MRAP2: variants seen among roughly 807,000 people sequenced by gnomAD.
The protein encoded by MRAP2 is melanocortin-2 receptor accessory protein 2.
MRAP2 carries 20 observed loss-of-function variants against 17.4 expected under a neutral mutation model. The ratio of observed to expected loss-of-function variants is 1.15; its 90% CI spans 0.81 to 1.67. MRAP2 has a LOEUF of 1.67. Ranked by LOEUF, MRAP2 falls within the 40% of genes most tolerant of loss-of-function variation. The pLI is 0.00. For synonymous variants in MRAP2, 96 were observed against 88.4 expected, an observed-to-expected ratio of 1.09 and a Z score of -0.48; for missense variants, 238 against 240.0, an observed-to-expected ratio of 0.99 and a Z score of 0.05.
intron 2 of MRAP2, chr6:84,062,074 A>G: frequency 1.0e-6 from 1 of 985,476 alleles, no homozygotes. Context: ...CGTAAGTGAG[A>G]ATGCAAAGTT....
chr6:84,046,909 C>A (rs1402404723), intron 1 of MRAP2, among the ~76,000 whole-genome samples: 1 of 151,256 alleles, frequency 6.6e-6, no homozygotes, highest in African/African-American at 2.4e-5. Context: ...ATGACTCTGT[C>A]AGGGGTTGAA....
Position 84,089,411 on chromosome 6 carries a change from T to C in MRAP2, c.548T>C (p.Leu183Pro), listed in dbSNP as rs2099501274. ...AACTACTTTGGGGAGGATGATCTTCTGATTTCTGAACCACCTATTGTTCTG... is the reference window on the plus strand; with the variant it reads ...AACTACTTTGGGGAGGATGATCTTCCGATTTCTGAACCACCTATTGTTCTG... ...DQNYFGEDDL[L>P]ISEPPIVLET... Residue 183 changes from leucine to proline, a missense_variant, in exon 4 of 4, where the codon CTG becomes CCG. Coordinates refer to ENST00000257776, the MANE Select transcript of MRAP2 (RefSeq NM_138409.4). 1 of 1,614,152 alleles carries C rather than the reference T, an allele frequency of 6.2e-7. No individual in the cohort carries two copies. The highest frequency in any genetic ancestry group is 1.3e-5 in the African/African-American group (1 of 75,064).
the MRAP2 span, among the ~76,000 whole-genome samples, chr6:84,134,389 G>T: frequency 5.3e-5 from 8 of 152,144 alleles, no homozygotes; most frequent in African/African-American, 1.9e-4. Flanking sequence ...GCGCCACTGT[G>T]GTATGAAAAA....
rs761041881 is a variant in MRAP2, at chr6:84,055,451, T to C, written c.127+6T>C. 1.9e-6 allele frequency: 3 copies of C among 1,609,686 alleles called. No homozygotes were observed. Among genetic ancestry groups the C allele is most frequent in the Admixed American group, 1.7e-5 (1 of 59,062 alleles). ...AGGACTGAAGGCTCATAAATGTAAG[T>C]TTTATACAATTCCTCATTGAAAGCA... On this transcript the variant is annotated splice_donor_region_variant and intron_variant, in intron 2 of 3. Transcript: ENST00000257776.
At chr6:84,083,554 C>T (rs528821323) in intron 3 of MRAP2, among the ~76,000 whole-genome samples, 6 of 152,180 alleles carry the variant, frequency 3.9e-5, no homozygotes, top group African/African-American at 1.4e-4. Flanking sequence ...AATTTTATCA[C>T]CTTAAAACAT....
At chr6:84,117,645 GTGTGTCTGT>G in the MRAP2 span, among the ~76,000 whole-genome samples, 81 of 104,570 alleles carry the variant, frequency 7.7e-4, 1 homozygote, top group Middle Eastern at 4.5e-3. Flanking sequence ...GATGTGGGGT[GTGTGTCTGT>G]GTGTGTGTGT....
At chr6:84,095,425 A>ATG (rs2099502504), downstream of MRAP2, among the ~76,000 whole-genome samples, 1 of 152,180 alleles carries the variant, frequency 6.6e-6, no homozygotes, top group African/African-American at 2.4e-5. Context: ...CAAACCTAAA[A>ATG]TGATCAAAGA....
At chr6:84,128,367 AAC>A in the MRAP2 span, among the ~76,000 whole-genome samples, 1 of 148,614 alleles carries the variant, frequency 6.7e-6, no homozygotes, top group African/African-American at 2.6e-5. Context: ...TTAATAAGCA[AAC>A]ATGTATTTAA....
At chr6:84,138,385 T>C in the MRAP2 span, among the ~76,000 whole-genome samples, 2 of 152,210 alleles carry the variant, frequency 1.3e-5, no homozygotes, top group African/African-American at 4.8e-5. Flanking sequence ...AGCCTGAGCA[T>C]TTCCTGGAGC....
At chr6:84,115,496 CTT>C in the MRAP2 span, among the ~76,000 whole-genome samples, 1 of 152,304 alleles carries the variant, frequency 6.6e-6, no homozygotes, top group East Asian at 1.9e-4. Flanking sequence ...GCCAGTGGAA[CTT>C]AGCCTGCTGG....
chr6:84,099,564 C>CT, the MRAP2 span, among the ~76,000 whole-genome samples: 2 of 152,094 alleles, frequency 1.3e-5, no homozygotes, highest in African/African-American at 4.8e-5. Context: ...AGTGAGTTCT[C>CT]TAAGAGTTCA....
chr6:84,117,797 G>A, the MRAP2 span, among the ~76,000 whole-genome samples: 2 of 152,080 alleles, frequency 1.3e-5, no homozygotes, highest in Non-Finnish European at 2.9e-5. Flanking sequence ...AGTACCTGGA[G>A]GTATCAGCAG....
downstream of MRAP2, among the ~76,000 whole-genome samples, chr6:84,091,359 G>T (rs2099501761): frequency 6.8e-6 from 1 of 148,020 alleles, no homozygotes; most frequent in South Asian, 2.1e-4. Flanking sequence ...TTCCCAAGTT[G>T]CTGGGACTAC....
chr6:84,078,400 A>G (rs768331659), intron 3 of MRAP2, among the ~76,000 whole-genome samples: 6 of 152,332 alleles, frequency 3.9e-5, no homozygotes, highest in Non-Finnish European at 4.4e-5. Context: ...GTTATTACAC[A>G]TCAGAGAAAT....
intron 2 of MRAP2, among the ~76,000 whole-genome samples, chr6:84,058,608 C>T (rs564544143): frequency 4.6e-5 from 7 of 152,100 alleles, no homozygotes; most frequent in South Asian, 2.1e-4. Context: ...AAACGGTATG[C>T]GTTCAAAGCC....
the MRAP2 span, among the ~76,000 whole-genome samples, chr6:84,111,564 C>T: frequency 1.3e-5 from 2 of 152,158 alleles, no homozygotes; most frequent in South Asian, 2.1e-4. Flanking sequence ...GACAATTTGA[C>T]TTCCTCTTTT....
chr6:84,055,905 C>G (rs2099491602), intron 2 of MRAP2, among the ~76,000 whole-genome samples: 2 of 152,096 alleles, frequency 1.3e-5, no homozygotes, highest in Non-Finnish European at 1.5e-5. Context: ...AATGATGGAC[C>G]AGAATAGCCT....
chr6:84,078,241 G>T (rs1053073767), intron 3 of MRAP2, among the ~76,000 whole-genome samples: 4 of 152,052 alleles, frequency 2.6e-5, no homozygotes, highest in African/African-American at 9.7e-5. Flanking sequence ...ACACATAACT[G>T]ACAAAGAACT....
rs41271593 is a variant in MRAP2 at position 84,063,071 on chromosome 6, G to T, written c.227+79G>T. 1.9e-3 allele frequency: 2,963 copies of T among 1,592,996 alleles called. 49 individuals carry two copies. The African/African-American group carries it at 0.035, about 19-fold the overall frequency. ...ATAGAAACTACTACCCAGGGCCGGA[G>T]GTGCTTCCCGTGGATGAAGAGAAGG... On this transcript the variant is annotated intron_variant, in intron 3 of 3. Coordinates refer to ENST00000257776, the MANE Select transcript of MRAP2 (RefSeq NM_138409.4).
Sources: gnomAD v4.1 joint callset for allele counts (sites outside exome capture counted in the v4.1 genomes callset) on GRCh38, gnomAD v4.1.1 for gene constraint, MANE v1.5 for transcripts, NCBI Gene and HGNC (gene_info 2026-07-23, HGNC 2026-07-21) for gene names.